Variants in LRP12 observed in about 807,000 individuals in gnomAD.
The protein encoded by LRP12 is low-density lipoprotein receptor-related protein 12.
A neutral mutation model predicts 66.0 loss-of-function variants in LRP12; 14 were observed. The ratio of observed to expected loss-of-function variants is 0.21; its 90% CI spans 0.14 to 0.33. The LOEUF (loss-of-function observed/expected upper bound fraction) is 0.33. LRP12 is among the 10% of genes least tolerant of loss of function. The pLI is 1.00. For synonymous variants in LRP12, 357 were observed against 359.1 expected (o/e 0.99, Z 0.07); for missense variants, 889 against 1,053.4 (o/e 0.84, Z 2.16).
Position 104,588,964 on chromosome 8 carries a change from A to AGGTAGACGACGC in LRP12, c.-68_-67insGCGTCGTCTACC, listed in dbSNP as rs1554712960. ...AGGGAGGAGAAGCTGGAGGTAGACGACGCCGACGCCGCCGCCGCCGCCGCC... is the reference window on the plus strand; with the variant it reads ...AGGGAGGAGAAGCTGGAGGTAGACGAGGTAGACGACGCCGCCGACGCCGCCGCCGCCGCCGCC... On this transcript the variant is annotated 5_prime_UTR_variant, in exon 1 of 7. Coordinates refer to ENST00000276654, the MANE Select transcript of LRP12 (RefSeq NM_013437.5). The AGGTAGACGACGC allele has an allele frequency of 1.1e-4, 103 of 905,910 alleles. 2 individuals are homozygous for AGGTAGACGACGC. The South Asian group carries it at 1.7e-3, about 15-fold the overall frequency. The allele number at this position is 905,910 out of a possible 1,614,324, so 56.1% of individuals were successfully genotyped here.
intron 2 of LRP12, among the ~76,000 whole-genome samples, chr8:104,511,755 G>A (rs906780226): frequency 6.6e-6 from 1 of 152,000 alleles, no homozygotes; most frequent in South Asian, 2.1e-4. Flanking sequence ...AGTTCATATC[G>A]AAAAATGGGT....
At chr8:104,556,178 T>A (rs538575027) in intron 1 of LRP12, among the ~76,000 whole-genome samples, 2 of 152,244 alleles carry the variant, frequency 1.3e-5, no homozygotes, top group East Asian at 3.9e-4. Flanking sequence ...GGAAAATTCA[T>A]AACATTAACT....
intron 1 of LRP12, among the ~76,000 whole-genome samples, chr8:104,537,775 C>CA (rs1811411141): frequency 6.6e-6 from 1 of 151,912 alleles, no homozygotes; most frequent in Non-Finnish European, 1.5e-5. Flanking sequence ...ATAAAAAAGA[C>CA]AAAAAAGAAT....
At chr8:104,537,103 T>C (rs1022956315) in intron 1 of LRP12, among the ~76,000 whole-genome samples, 1 of 147,148 alleles carries the variant, frequency 6.8e-6, no homozygotes, top group Non-Finnish European at 1.5e-5. Flanking sequence ...CAACAGGCAA[T>C]GTAAGACTGT....
chr8:104,583,516 C>T (rs1812287105), intron 1 of LRP12, among the ~76,000 whole-genome samples: 1 of 152,176 alleles, frequency 6.6e-6, no homozygotes, highest in South Asian at 2.1e-4. Context: ...ACTATCTCTG[C>T]CCCATGTCTG....
intron 1 of LRP12, among the ~76,000 whole-genome samples, chr8:104,547,387 GTATATAA>G (rs1406744027): frequency 6.2e-5 from 8 of 128,838 alleles, no homozygotes; most frequent in Non-Finnish European, 1.3e-4. Flanking sequence ...GTTATATTTT[GTATATAA>G]TATACAATTC....
chr8:104,491,713 C>CT (rs1810634479), intron 6 of LRP12, among the ~76,000 whole-genome samples, 174 bp from the exon 7 acceptor site: 1 of 152,040 alleles, frequency 6.6e-6, no homozygotes, highest in African/African-American at 2.4e-5. Context: ...GTTCATCCTA[C>CT]TACAGAATCT....
intron 2 of LRP12, among the ~76,000 whole-genome samples, chr8:104,520,266 A>AT (rs928568199): frequency 3.5e-4 from 53 of 151,372 alleles, no homozygotes; most frequent in Middle Eastern, 3.4e-3. Context: ...TATGAGGGCA[A>AT]TTTTTTTTTC....
chr8:104,526,064 G>A (rs1455449858), intron 2 of LRP12, among the ~76,000 whole-genome samples: 1 of 152,082 alleles, frequency 6.6e-6, no homozygotes, highest in African/African-American at 2.4e-5. Context: ...CAAATCATGA[G>A]CGAACTCCCA....
At chr8:104,507,179 G>C (rs1170676631) in intron 3 of LRP12, 1 of 152,122 alleles carries the variant, frequency 6.6e-6, no homozygotes, top group African/African-American at 2.4e-5. Flanking sequence ...TTGTCTTTGT[G>C]TATATGCAGG....
chr8:104,545,769 A>T (rs984734805), intron 1 of LRP12, among the ~76,000 whole-genome samples: 18 of 152,278 alleles, frequency 1.2e-4, no homozygotes, highest in African/African-American at 3.8e-4. Context: ...CACGTGACTC[A>T]CTTTATTGTG....
chr8:104,504,222 C>G (rs546063137), intron 3 of LRP12: 2 of 151,978 alleles, frequency 1.3e-5, no homozygotes, highest in Non-Finnish European at 2.9e-5. Context: ...ACTACAGACA[C>G]TTTTGCTCTT....
Position 104,497,495 on chromosome 8 carries a change from G to C in LRP12, c.1057C>G (p.His353Asp). The stretch of plus-strand genomic sequence containing the variant: ...GCATTCACTTTATCAGCACAAAAAT[G>C]TACCCTTATCTGTCCAGAAGAAGAA... ...VVSSSGQIRV[H>D]FCADKVNAAR... Residue 353 changes from histidine (H) to aspartate (D), a missense_variant, in exon 5 of 7, where the codon CAT (histidine) becomes GAT (aspartate). His to Asp is a moderately conservative substitution (Grantham distance 81). Transcript: ENST00000276654. This position sits in a 1 kb window ranked among gnomAD's most constrained non-coding sequence, Gnocchi z 4.3. The C allele has an allele frequency of 6.2e-7, 1 of 1,614,122 alleles. No homozygotes were observed. The highest frequency in any genetic ancestry group is 8.5e-7 in the Non-Finnish European group (1 of 1,180,018).
chr8:104,512,100 T>C (rs1307208691), intron 2 of LRP12, among the ~76,000 whole-genome samples: 4 of 152,212 alleles, frequency 2.6e-5, no homozygotes, highest in Admixed American at 6.5e-5. Flanking sequence ...ATAGCTAAGT[T>C]ATTTGTAAGA....
At chr8:104,570,813 G>A (rs568928590) in intron 1 of LRP12, among the ~76,000 whole-genome samples, 58 of 151,916 alleles carry the variant, frequency 3.8e-4, no homozygotes, top group Non-Finnish European at 7.4e-4. Context: ...CAATGGCACT[G>A]TCTAGAGAAA....
At chr8:104,558,841 T>A (rs1343041872) in intron 1 of LRP12, among the ~76,000 whole-genome samples, 4 of 150,840 alleles carry the variant, frequency 2.7e-5, no homozygotes, top group Non-Finnish European at 5.9e-5. Flanking sequence ...AAATGGCCAA[T>A]AAACATGAAA....
At chr8:104,501,745 G>A (rs1237163909) in intron 3 of LRP12, among the ~76,000 whole-genome samples, 1 of 151,424 alleles carries the variant, frequency 6.6e-6, no homozygotes, top group Non-Finnish European at 1.5e-5. Flanking sequence ...TGTTAGACAT[G>A]TGTATTGCTA....
At chr8:104,562,033 T>C (rs1588506072) in intron 1 of LRP12, among the ~76,000 whole-genome samples, 2 of 152,186 alleles carry the variant, frequency 1.3e-5, no homozygotes, top group African/African-American at 4.8e-5. Flanking sequence ...TAAGAGGGTA[T>C]ATAATCTCAA....
chr8:104,546,340 C>A (rs564088110), intron 1 of LRP12, among the ~76,000 whole-genome samples: 1 of 152,204 alleles, frequency 6.6e-6, no homozygotes, highest in African/African-American at 2.4e-5. Flanking sequence ...ACCAACACTA[C>A]AATCAAGACA....
Sources: allele counts gnomAD v4.1 joint callset (sites outside exome capture counted in the v4.1 genomes callset), GRCh38; gene constraint gnomAD v4.1.1; non-coding constraint Gnocchi (gnomAD v3.1); transcripts MANE v1.5; gene names NCBI Gene and HGNC (gene_info 2026-07-23, HGNC 2026-07-21).